Variants in DNAAF9 observed in about 807,000 individuals in gnomAD.
DNAAF9 encodes the protein dynein axonemal assembly factor 9, also known as shulin.
Under a neutral mutation model 167.0 loss-of-function variants are expected in DNAAF9, and 90 were observed. That is an observed-to-expected ratio of 0.54 (90% CI 0.45 to 0.64). The LOEUF (loss-of-function observed/expected upper bound fraction) is 0.64, where lower values mean the gene tolerates loss of function less well. Among genes scored for constraint, DNAAF9 ranks in the 30% least tolerant of loss-of-function variants. The pLI is 0.00. For missense variants in DNAAF9, 1,315 were observed against 1,442.2 expected (o/e 0.91, Z 1.43); for synonymous variants, 491 against 508.8 (o/e 0.96, Z 0.47).
intron 11 of DNAAF9, among the ~76,000 whole-genome samples, chr20:3,330,980 T>C (rs1414525237): frequency 1.3e-5 from 2 of 151,692 alleles, no homozygotes; most frequent in African/African-American, 4.8e-5. Context: ...TCAGTAGAGA[T>C]GGGGTTTTGC....
At chr20:3,302,681 C>A (rs2069212164) in intron 21 of DNAAF9, among the ~76,000 whole-genome samples, 1 of 152,104 alleles carries the variant, frequency 6.6e-6, no homozygotes, top group Admixed American at 6.6e-5. Context: ...AAATGTCAGA[C>A]TCAAAGGTTA....
chr20:3,256,239 G>C, intron 33 of DNAAF9, 28 bp from the exon 34 acceptor site: 1 of 1,511,392 alleles, frequency 6.6e-7, no homozygotes, highest in South Asian at 1.1e-5. Context: ...ATTAGTCCCT[G>C]AGAGCCTGCC....
chr20:3,382,298 G>A (rs1600898120), intron 2 of DNAAF9, 129 bp downstream of exon 2: 2 of 710,306 alleles, frequency 2.8e-6, no homozygotes, highest in East Asian at 5.5e-5. Context: ...ACAAATTTCG[G>A]GGGAACAAGA....
chr20:3,316,726 C>A lies in DNAAF9; in HGVS notation c.1536G>T (p.Trp512Cys), dbSNP rs1158399406. 6.2e-7 allele frequency: 1 copy of A among 1,611,830 alleles called. No homozygotes were observed. Among genetic ancestry groups the A allele is most frequent in the Non-Finnish European group, 8.5e-7 (1 of 1,178,266 alleles). The change falls in exon 18 of 37, where the codon TGG (tryptophan) becomes TGT (cysteine). Residue 512 changes from tryptophan to cysteine, a missense_variant. Physicochemically the swap from Trp to Cys is radical, Grantham distance 215. Coordinates refer to ENST00000252032, the MANE Select transcript of DNAAF9 (RefSeq NM_001009984.3). ...CCACCTGATGAATGACACTAACCAGCCAGGAGCAGAATCTGGGTACAGCAG... is the reference window on the plus strand; with the variant it reads ...CCACCTGATGAATGACACTAACCAGACAGGAGCAGAATCTGGGTACAGCAG... ...LTAAVPRFCS[W>C]LVEDNEVKLS...
At chr20:3,383,396 ATAGC>A (rs1169600835) in intron 1 of DNAAF9, among the ~76,000 whole-genome samples, 1 of 150,820 alleles carries the variant, frequency 6.6e-6, no homozygotes, top group East Asian at 1.9e-4. Context: ...AGCCTCCCGA[ATAGC>A]TGGGATTACA....
At chr20:3,399,717 C>T (rs2083957948) in intron 1 of DNAAF9, among the ~76,000 whole-genome samples, 1 of 152,116 alleles carries the variant, frequency 6.6e-6, no homozygotes, top group Non-Finnish European at 1.5e-5. Context: ...GTTCCTACAG[C>T]CATTCTGTGA....
At chr20:3,355,933 C>T (rs148895622) in intron 7 of DNAAF9, among the ~76,000 whole-genome samples, 1 of 151,734 alleles carries the variant, frequency 6.6e-6, no homozygotes, top group African/African-American at 2.4e-5. Context: ...TTGTTTTAAG[C>T]TAATTTCATT....
At chr20:3,401,395 G>T (rs1175470071) in intron 1 of DNAAF9, among the ~76,000 whole-genome samples, 1 of 151,884 alleles carries the variant, frequency 6.6e-6, no homozygotes, top group African/African-American at 2.4e-5. Context: ...TAGAGATGGG[G>T]TTTTTCCAAG....
At chr20:3,300,200 G>A (rs189311894) in intron 21 of DNAAF9, among the ~76,000 whole-genome samples, 4 of 152,138 alleles carry the variant, frequency 2.6e-5, no homozygotes, top group East Asian at 3.9e-4. Flanking sequence ...CACTGCGCCC[G>A]GCAGCGTTTT....
At chr20:3,293,325 T>G (rs1320085361) in intron 25 of DNAAF9, among the ~76,000 whole-genome samples, 4 of 122,094 alleles carry the variant, frequency 3.3e-5, no homozygotes, top group Non-Finnish European at 6.6e-5. Flanking sequence ...AAAAAGAGAC[T>G]TATGGTTCTG....
chr20:3,363,132 G>A (rs1296187116), intron 6 of DNAAF9, among the ~76,000 whole-genome samples: 2 of 151,910 alleles, frequency 1.3e-5, no homozygotes, highest in African/African-American at 4.8e-5. Flanking sequence ...GGGAGGCTGA[G>A]GCAGGAGAAT....
In DNAAF9 at chr20:3,252,375, A is replaced by C. The variant is rs2068207258; in HGVS notation, c.*197T>G. 2.0e-6 allele frequency: 1 copy of C among 500,310 alleles called. No homozygotes were observed. Among genetic ancestry groups the C allele is most frequent in the East Asian group, 3.5e-5 (1 of 28,292 alleles). 31.0% of individuals were successfully genotyped at this position (500,310 alleles called of 1,614,324 possible). On this transcript the variant is annotated 3_prime_UTR_variant, in exon 37 of 37. Coordinates refer to ENST00000252032, the MANE Select transcript of DNAAF9 (RefSeq NM_001009984.3). ...ATCCTTGAGTATTCCCCCGACCCCC[A>C]AAATCAATGGTGCAGGTGATGCTCT... is the stretch of plus-strand genomic sequence containing the variant.
intron 10 of DNAAF9, among the ~76,000 whole-genome samples, chr20:3,339,036 C>T (rs1362344822): frequency 1.3e-5 from 2 of 152,048 alleles, no homozygotes; most frequent in Non-Finnish European, 2.9e-5. Context: ...ACCAATGTCA[C>T]GCTTACTGAT....
intron 6 of DNAAF9, chr20:3,362,005 C>G: frequency 6.6e-7 from 1 of 1,519,166 alleles, no homozygotes; most frequent in Non-Finnish European, 9.1e-7. Context: ...TTTGCTAGCA[C>G]TGGTATGGCT....
At chr20:3,338,054 C>T (rs1252124538) in intron 10 of DNAAF9, among the ~76,000 whole-genome samples, 1 of 147,724 alleles carries the variant, frequency 6.8e-6, no homozygotes, top group Non-Finnish European at 1.5e-5. Flanking sequence ...AATATATGCA[C>T]ACATACATAG....
intron 8 of DNAAF9, among the ~76,000 whole-genome samples, chr20:3,344,638 C>T (rs1027664573): frequency 2.3e-5 from 3 of 132,794 alleles, no homozygotes; most frequent in Non-Finnish European, 4.9e-5. Flanking sequence ...CACACACACA[C>T]ACCTCATGTA....
intron 20 of DNAAF9, among the ~76,000 whole-genome samples, chr20:3,314,708 T>C (rs1021773300): frequency 2.6e-5 from 4 of 152,192 alleles, no homozygotes; most frequent in Non-Finnish European, 5.9e-5. Context: ...TGTGGTCATT[T>C]GTTACACAGC....
intron 6 of DNAAF9, among the ~76,000 whole-genome samples, chr20:3,372,343 A>G (rs1004405599): frequency 6.6e-6 from 1 of 152,204 alleles, no homozygotes; most frequent in Non-Finnish European, 1.5e-5. Context: ...TGCCTGAAGG[A>G]AAGTATCTGA....
At chr20:3,333,061 C>T (rs2069870259) in intron 10 of DNAAF9, among the ~76,000 whole-genome samples, 1 of 152,066 alleles carries the variant, frequency 6.6e-6, no homozygotes, top group African/African-American at 2.4e-5. Context: ...GTCATTAATA[C>T]TTAGTCCAGA....
Sources: allele counts gnomAD v4.1 joint callset (sites outside exome capture counted in the v4.1 genomes callset), GRCh38; gene constraint gnomAD v4.1.1; transcripts MANE v1.5; gene names NCBI Gene and HGNC (gene_info 2026-07-23, HGNC 2026-07-21).